CACNA1I: variants seen among roughly 807,000 people sequenced by gnomAD.
The protein encoded by CACNA1I is voltage-dependent T-type calcium channel subunit alpha-1I.
In CACNA1I, 74 loss-of-function variants were observed where a neutral mutation model predicts 201.6. That is an observed-to-expected ratio of 0.37 (90% CI 0.30 to 0.45). The LOEUF is 0.45. Among genes scored for constraint, CACNA1I ranks in the 20% least tolerant of loss-of-function variants. The probability of loss-of-function intolerance (pLI) is 1.00; values close to 1 mark genes in which losing one functional copy is unlikely to be tolerated. For synonymous variants in CACNA1I, 1,431 were observed against 1,345.2 expected, an observed-to-expected ratio of 1.06 and a Z score of -1.40; for missense variants, 2,346 against 3,138.1, an observed-to-expected ratio of 0.75 and a Z score of 6.03.
intron 28 of CACNA1I, 108 bp from the exon 29 acceptor site, chr22:39,673,855 G>T (rs554617263): frequency 3.1e-6 from 3 of 975,762 alleles, no homozygotes; most frequent in Non-Finnish European, 4.6e-6. Flanking sequence ...CTGCTTGCAC[G>T]TGCCTTCATG....
intron 15 of CACNA1I, 65 bp downstream of exon 15, chr22:39,660,502 A>G: frequency 8.6e-7 from 1 of 1,165,496 alleles, no homozygotes; most frequent in South Asian, 1.4e-5. Context: ...AGGTGGGCAG[A>G]GGGTACAGCG....
chr22:39,684,220 A>G lies in CACNA1I; in HGVS notation c.5831-82A>G. The G allele has an allele frequency of 8.2e-7, 1 of 1,216,440 alleles. No homozygotes were observed. The allele number at this position is 1,216,440 out of a possible 1,614,324, so 75.4% of individuals were successfully genotyped here. A position where few individuals can be genotyped will look rare whatever the true frequency, so the allele number is the denominator to read the frequency against. ...GGCCCCTCACTGCTGGCCCAGTGAG[A>G]TTGGTGCTCAATGCCACCTTCCAGG... On this transcript the variant is annotated intron_variant, in intron 35 of 36. Coordinates refer to ENST00000402142, the MANE Select transcript of CACNA1I (RefSeq NM_021096.4). The surrounding 1 kb of genome is among the most constrained non-coding windows in gnomAD (Gnocchi z 4.6).
At chr22:39,674,576 C>T (rs1024679570) in intron 29 of CACNA1I, among the ~76,000 whole-genome samples, 3 of 152,126 alleles carry the variant, frequency 2.0e-5, no homozygotes, top group African/African-American at 7.2e-5. Context: ...CTACCCGCAC[C>T]CTGCGGTTAG....
Position 39,689,493 on chromosome 22 carries a change from C to G in CACNA1I, c.*3088C>G, listed in dbSNP as rs1323760578. 1 of 152,802 alleles carries G rather than the reference C, an allele frequency of 6.5e-6. No individual in the cohort carries two copies. The highest frequency in any genetic ancestry group is 1.5e-5 in the Non-Finnish European group (1 of 68,144). The allele number at this position is 152,802 out of a possible 1,614,324, so 9.5% of individuals were successfully genotyped here. ...GCAATAATCAGTGTTCCTGGCAGAGCCTGGGCCAAGCTGCAGCCTACTGAG... is the reference window on the plus strand; with the variant it reads ...GCAATAATCAGTGTTCCTGGCAGAGGCTGGGCCAAGCTGCAGCCTACTGAG... On this transcript the variant is annotated 3_prime_UTR_variant, in exon 37 of 37. Transcript: ENST00000402142.
Position 39,648,081 on chromosome 22 carries a change from C to A in CACNA1I, c.1567+155C>A, listed in dbSNP as rs115280234. 2,436 of 660,818 alleles carry A rather than the reference C, an allele frequency of 3.7e-3. 55 individuals carry two copies. The African/African-American group carries it at 0.04, about 11-fold the overall frequency. 40.9% of individuals were successfully genotyped at this position (660,818 alleles called of 1,614,324 possible). On this transcript the variant is annotated intron_variant, in intron 9 of 36. Transcript: ENST00000402142. The surrounding 1 kb of genome is among the most constrained non-coding windows in gnomAD (Gnocchi z 5.4). ...TCCCTCTATAAAGTGAGGACAGGGG[C>A]CCCCAGCACGTGGCCGTCCACGGCG...
intron 33 of CACNA1I, 148 bp downstream of exon 33, chr22:39,680,016 A>T (rs919630778): frequency 2.5e-6 from 2 of 810,150 alleles, no homozygotes; most frequent in Non-Finnish European, 3.8e-6. Flanking sequence ...GCTGGGGCAG[A>T]TTGGCTCCCT....
chr22:39,585,334 A>G (rs1932709349), intron 1 of CACNA1I, among the ~76,000 whole-genome samples: 1 of 142,274 alleles, frequency 7.0e-6, no homozygotes, highest in Admixed American at 7.0e-5. Flanking sequence ...AAGTGCTGGG[A>G]TTACAAGTGT....
chr22:39,623,980 G>T (rs1016866903), intron 4 of CACNA1I, among the ~76,000 whole-genome samples: 3 of 149,908 alleles, frequency 2.0e-5, no homozygotes, highest in Non-Finnish European at 3.0e-5. Flanking sequence ...TGTGTCAAGG[G>T]TGTGTGTGCG....
intron 20 of CACNA1I, 145 bp from the exon 21 acceptor site, chr22:39,664,594 C>T (rs920393526): frequency 5.2e-6 from 3 of 579,798 alleles, no homozygotes; most frequent in Non-Finnish European, 3.1e-6. Context: ...CTCCCCTTCC[C>T]TTCGGCCCCG....
At chr22:39,653,738 C>A (rs1356011096) in intron 10 of CACNA1I, among the ~76,000 whole-genome samples, 1 of 152,208 alleles carries the variant, frequency 6.6e-6, no homozygotes, top group South Asian at 2.1e-4. Flanking sequence ...GGTTAGATTG[C>A]AGTTGCTCAA....
At chr22:39,634,777 A>G in intron 5 of CACNA1I, 53 bp downstream of exon 5, 12 of 1,552,066 alleles carry the variant, frequency 7.7e-6, no homozygotes, top group Non-Finnish European at 1.1e-5. Context: ...ACTAAGACAC[A>G]GTTTTAACCT....
chr22:39,616,420 T>G (rs945096791), intron 3 of CACNA1I, among the ~76,000 whole-genome samples: 2 of 152,118 alleles, frequency 1.3e-5, no homozygotes, highest in Non-Finnish European at 1.5e-5. Flanking sequence ...GACCCTGGGA[T>G]CAGTCTCTTC....
intron 4 of CACNA1I, among the ~76,000 whole-genome samples, chr22:39,620,290 T>A (rs993114298): frequency 2.0e-5 from 3 of 151,138 alleles, no homozygotes; most frequent in African/African-American, 7.3e-5. Context: ...CGTACATACA[T>A]ACATCTGCTC....
intron 3 of CACNA1I, among the ~76,000 whole-genome samples, chr22:39,613,258 A>C (rs1441352228): frequency 6.6e-6 from 1 of 151,882 alleles, no homozygotes; most frequent in African/African-American, 2.4e-5. Flanking sequence ...ATCCACCTCT[A>C]AGTCAGAACC....
chr22:39,604,308 T>C (rs5995756), intron 3 of CACNA1I, among the ~76,000 whole-genome samples: 91,256 of 151,938 alleles, frequency 0.6, 29,953 homozygotes, highest in African/African-American at 0.84. Flanking sequence ...GCTTCAGCAT[T>C]GTGGTGAGCT....
rs1189105698 is a variant in CACNA1I, at chr22:39,648,700, C to T, written c.1567+774C>T. 6.6e-6 allele frequency among the ~76,000 whole-genome samples: 1 copy of T among 152,056 alleles called. No individual in the cohort carries two copies. Among genetic ancestry groups the T allele is most frequent in the Non-Finnish European group, 1.5e-5 (1 of 68,006 alleles). On this transcript the variant is annotated intron_variant, in intron 9 of 36. Coordinates refer to ENST00000402142, the MANE Select transcript of CACNA1I (RefSeq NM_021096.4). The surrounding 1 kb of genome is among the most constrained non-coding windows in gnomAD (Gnocchi z 5.4). ...TTTCATGTTACTTTTTTGGCTTACA[C>T]AAGCAAAATGTGTTTATTCTAGGAA... is the stretch of plus-strand genomic sequence containing the variant.
intron 29 of CACNA1I, among the ~76,000 whole-genome samples, chr22:39,674,356 G>C (rs1475188900): frequency 6.6e-6 from 1 of 152,220 alleles, no homozygotes; most frequent in African/African-American, 2.4e-5. Context: ...GGGACCTCCA[G>C]CATGCTCCAG....
At chr22:39,625,640 C>T (rs551516002) in intron 4 of CACNA1I, among the ~76,000 whole-genome samples, 9 of 151,890 alleles carry the variant, frequency 5.9e-5, no homozygotes, top group Non-Finnish European at 1.3e-4. Flanking sequence ...CCTGCAGGTC[C>T]TTGTTCAGGC....
rs2146487267 is a variant in CACNA1I, at chr22:39,685,124, C to CA, written c.6027+627dup. ...ACACCAGGCTGTGTGCTCTGGCGGG[C>CA]AGGACACAAACTCCCTGCCTGCCGG... is the stretch of plus-strand genomic sequence containing the variant. On this transcript the variant is annotated intron_variant, in intron 36 of 36. Coordinates refer to ENST00000402142, the MANE Select transcript of CACNA1I (RefSeq NM_021096.4). The surrounding 1 kb of genome is among the most constrained non-coding windows in gnomAD (Gnocchi z 5.0). The CA allele has an allele frequency of 6.0e-6, 1 of 165,472 alleles. No individual in the cohort carries two copies. Among genetic ancestry groups the CA allele is most frequent in the African/African-American group, 2.4e-5 (1 of 41,740 alleles). 10.3% of individuals were successfully genotyped at this position (165,472 alleles called of 1,614,324 possible). A position where few individuals can be genotyped will look rare whatever the true frequency, so the allele number is the denominator to read the frequency against.
Sources: allele counts gnomAD v4.1 joint callset (sites outside exome capture counted in the v4.1 genomes callset), GRCh38; gene constraint gnomAD v4.1.1; non-coding constraint Gnocchi (gnomAD v3.1); transcripts MANE v1.5; gene names NCBI Gene and HGNC (gene_info 2026-07-23, HGNC 2026-07-21).